The following GNB1 variants were observed in gnomAD, a reference collection of about 807,000 sequenced individuals.
GNB1 encodes guanine nucleotide-binding protein G(I)/G(S)/G(T) subunit beta-1.
Under a neutral mutation model 42.9 loss-of-function variants are expected in GNB1, and 2 were observed. The observed-to-expected ratio is 0.05, with a 90% CI of 0.02 to 0.15. The LOEUF (loss-of-function observed/expected upper bound fraction) is 0.15, where lower values mean the gene tolerates loss of function less well. Ranked by LOEUF, GNB1 falls within the 10% of genes least tolerant of loss-of-function variation. The pLI is 1.00. For missense variants in GNB1, 193 were observed against 462.2 expected (o/e 0.42, Z 5.34); for synonymous variants, 183 against 174.7 (o/e 1.05, Z -0.38).
At chr1:1,865,291 A>AAAAC (rs1452935869) in intron 1 of GNB1, among the ~76,000 whole-genome samples, 10 of 131,156 alleles carry the variant, frequency 7.6e-5, no homozygotes, top group African/African-American at 2.8e-4. Context: ...AAAAAAAACC[A>AAAAC]AAAAAAAAAA....
intron 3 of GNB1, among the ~76,000 whole-genome samples, chr1:1,822,307 T>G (rs1440647770): frequency 6.7e-6 from 1 of 148,520 alleles, no homozygotes; most frequent in Non-Finnish European, 1.5e-5. Flanking sequence ...TTACTTTTTT[T>G]TTTTTTTTTT....
intron 2 of GNB1, among the ~76,000 whole-genome samples, chr1:1,836,183 T>G (rs1647146560): frequency 6.6e-6 from 1 of 152,048 alleles, no homozygotes; most frequent in Admixed American, 6.6e-5. Context: ...ATAAGCAATG[T>G]GGAGAGTCCC....
intron 3 of GNB1, among the ~76,000 whole-genome samples, chr1:1,819,122 G>A (rs758374474): frequency 3.3e-5 from 5 of 152,176 alleles, no homozygotes; most frequent in Non-Finnish European, 5.9e-5. Flanking sequence ...AAAAGAGAAC[G>A]TACGTTTAGA....
intron 1 of GNB1, among the ~76,000 whole-genome samples, chr1:1,874,970 A>G (rs1008119675): frequency 6.6e-6 from 1 of 152,180 alleles, no homozygotes; most frequent in African/African-American, 2.4e-5. Flanking sequence ...ATCATCAGGC[A>G]TTAGATTCTC....
intron 5 of GNB1, among the ~76,000 whole-genome samples, chr1:1,810,086 A>T (rs12407008): frequency 4.6e-5 from 7 of 151,632 alleles, no homozygotes; most frequent in Non-Finnish European, 7.4e-5. Context: ...ATATATATAT[A>T]TATTTTTTGA....
At position 1,851,414 on chromosome 1, in the gene GNB1, GAA is replaced by G. The variant is rs61558279; in HGVS notation, c.-95-12178_-95-12177del. Among the ~76,000 whole-genome samples, 489 of 118,750 alleles carry G rather than the reference GAA, an allele frequency of 4.1e-3. 5 individuals carry two copies. Among genetic ancestry groups the G allele is most frequent in the African/African-American group, 0.012 (339 of 28,460 alleles). 77.9% of individuals were successfully genotyped at this position (118,750 alleles called of 152,430 possible). A position where few individuals can be genotyped will look rare whatever the true frequency, so the allele number is the denominator to read the frequency against. ...AACAAGAGTAAAACTCCATCTCAAA[GAA>G]AAAAAAAAAAAAAAATTAGCAGGGC... is the stretch of plus-strand genomic sequence containing the variant. On this transcript the variant is annotated intron_variant, in intron 1 of 11. Coordinates refer to ENST00000378609, the MANE Select transcript of GNB1 (RefSeq NM_002074.5).
rs1646410280 is a variant in GNB1 at position 1,786,575 on chromosome 1, A to G, written c.*488T>C. 6.5e-6 allele frequency: 1 copy of G among 152,968 alleles called. No individual in the cohort carries two copies. Among genetic ancestry groups the G allele is most frequent in the South Asian group, 2.1e-4 (1 of 4,834 alleles). 9.5% of individuals were successfully genotyped at this position (152,968 alleles called of 1,614,324 possible). ...GAACACAAAGGAATACATTTTAAAAAGGAAATATGAATGCTTCCAAAATCT... is the reference window on the plus strand; with the variant it reads ...GAACACAAAGGAATACATTTTAAAAGGGAAATATGAATGCTTCCAAAATCT... On this transcript the variant is annotated 3_prime_UTR_variant, in exon 12 of 12. Coordinates refer to ENST00000378609, the MANE Select transcript of GNB1 (RefSeq NM_002074.5).
intron 8 of GNB1, among the ~76,000 whole-genome samples, chr1:1,792,794 G>A (rs761153770): frequency 9.5e-4 from 144 of 152,128 alleles, no homozygotes; most frequent in Non-Finnish European, 1.7e-3. Context: ...GGCTAGGCAC[G>A]GAGGCTCACG....
At chr1:1,816,509 A>G (rs1173452962) in intron 4 of GNB1, among the ~76,000 whole-genome samples, 2 of 152,164 alleles carry the variant, frequency 1.3e-5, no homozygotes, top group East Asian at 3.8e-4. Flanking sequence ...TCTTTAACTT[A>G]CAATTTAACC....
At chr1:1,808,836 G>A (rs1365456959) in intron 5 of GNB1, among the ~76,000 whole-genome samples, 1 of 152,054 alleles carries the variant, frequency 6.6e-6, no homozygotes, top group Non-Finnish European at 1.5e-5. Context: ...TAGAGATGGG[G>A]TTTCCCCATG....
chr1:1,864,065 G>A (rs1648778926), intron 1 of GNB1, among the ~76,000 whole-genome samples: 1 of 152,016 alleles, frequency 6.6e-6, no homozygotes, highest in Non-Finnish European at 1.5e-5. Flanking sequence ...GCTCACACCT[G>A]TAATCCCAGC....
intron 1 of GNB1, among the ~76,000 whole-genome samples, chr1:1,881,332 T>C (rs1412364783): frequency 6.6e-6 from 1 of 152,148 alleles, no homozygotes; most frequent in African/African-American, 2.4e-5. Context: ...CTGAGCACTC[T>C]ACGCTCAACT....
At chr1:1,870,112 T>A (rs1649168123) in intron 1 of GNB1, among the ~76,000 whole-genome samples, 1 of 152,148 alleles carries the variant, frequency 6.6e-6, no homozygotes, top group South Asian at 2.1e-4. Flanking sequence ...CTGCCCGCCA[T>A]GGCCTCCCAA....
At position 1,834,761 on chromosome 1, in the gene GNB1, C is replaced by T. The variant is rs367863656; in HGVS notation, c.-47+4429G>A. On this transcript the variant is annotated intron_variant, in intron 2 of 11. Transcript: ENST00000378609. ...TCGGCTCAGTGCAACCTCCGCCTCC[C>T]GGGTTCATGCCATTCTCCTGCCTCA... Among the ~76,000 whole-genome samples, 41 of 151,782 alleles carry T rather than the reference C, an allele frequency of 2.7e-4. 1 individual carries two copies. The highest frequency in any genetic ancestry group is 1.6e-3 in the Admixed American group (25 of 15,212).
chr1:1,853,574 C>T (rs564292965), intron 1 of GNB1, among the ~76,000 whole-genome samples: 86 of 152,132 alleles, frequency 5.7e-4, no homozygotes, highest in African/African-American at 2.0e-3. Flanking sequence ...GACATGCTTC[C>T]AAAACTTAGC....
chr1:1,794,194 A>T, intron 7 of GNB1: 1 of 152,204 alleles, frequency 6.6e-6, no homozygotes, highest in Middle Eastern at 3.2e-3. Context: ...AAGCAACAAC[A>T]AAAAATCAGT....
chr1:1,844,023 G>A (rs182597917), intron 1 of GNB1, among the ~76,000 whole-genome samples: 4 of 151,948 alleles, frequency 2.6e-5, no homozygotes, highest in East Asian at 3.9e-4. Context: ...ATGAAACCCC[G>A]TCTCTACTAA....
intron 1 of GNB1, among the ~76,000 whole-genome samples, chr1:1,878,299 G>A (rs935256867): frequency 6.6e-6 from 1 of 152,212 alleles, no homozygotes; most frequent in Non-Finnish European, 1.5e-5. Flanking sequence ...GGACTGGAAG[G>A]CTAAGGTTGT....
chr1:1,859,105 T>C (rs1420939449), intron 1 of GNB1, among the ~76,000 whole-genome samples: 1 of 151,216 alleles, frequency 6.6e-6, no homozygotes, highest in African/African-American at 2.4e-5. Flanking sequence ...CACTGCAACC[T>C]CCACCTCTCA....
Sources: allele counts gnomAD v4.1 joint callset (sites outside exome capture counted in the v4.1 genomes callset), GRCh38; gene constraint gnomAD v4.1.1; transcripts MANE v1.5; gene names NCBI Gene and HGNC (gene_info 2026-07-23, HGNC 2026-07-21).